The following SCAI variants were observed in gnomAD, a reference collection of about 807,000 sequenced individuals.
SCAI encodes suppressor of cancer cell invasion, also known as protein SCAI.
A neutral mutation model predicts 92.2 loss-of-function variants in SCAI; 24 were observed. The ratio of observed to expected loss-of-function variants is 0.26; its 90% CI spans 0.19 to 0.37. The LOEUF is 0.37. Among genes scored for constraint, SCAI ranks in the 10% least tolerant of loss-of-function variants. The pLI is 1.00. For missense variants in SCAI, 450 were observed against 736.2 expected (o/e 0.61, Z 4.50); for synonymous variants, 261 against 258.6 (o/e 1.01, Z -0.09).
chr9:124,989,373 C>CGGGA, intron 14 of SCAI, among the ~76,000 whole-genome samples: 1 of 151,762 alleles, frequency 6.6e-6, no homozygotes, highest in African/African-American at 2.4e-5. Context: ...CCCAGACAGG[C>CGGGA]ATTCAAGACC....
chr9:125,118,470 T>G (rs1000513471), intron 2 of SCAI, among the ~76,000 whole-genome samples: 2 of 152,096 alleles, frequency 1.3e-5, no homozygotes, highest in Non-Finnish European at 2.9e-5. Context: ...TGAGCTATGA[T>G]CCTGCCACTG....
At chr9:124,964,705 C>A (rs778638669) in intron 17 of SCAI, among the ~76,000 whole-genome samples, 40 of 152,132 alleles carry the variant, frequency 2.6e-4, no homozygotes, top group Admixed American at 9.2e-4. Flanking sequence ...ACGGCATTGC[C>A]AAATATCAAA....
At chr9:125,065,955 G>A (rs1247884352) in intron 2 of SCAI, 1 of 751,404 alleles carries the variant, frequency 1.3e-6, no homozygotes, top group Admixed American at 2.0e-5. Flanking sequence ...ATTTTATAAA[G>A]GATATGTATT....
Position 125,031,087 on chromosome 9 carries a change from G to C in SCAI, c.231-1348C>G, listed in dbSNP as rs969847985. Among the ~76,000 whole-genome samples, 3 of 152,132 alleles carry C rather than the reference G, an allele frequency of 2.0e-5. No individual in the cohort carries two copies. The East Asian group carries it at 5.8e-4, about 29-fold the overall frequency. ...GTGGGACAAAACAGATTTGGGAAAG[G>C]AATTTAAGAATTTGGCTGTCTTGTA... On this transcript the variant is annotated intron_variant, in intron 3 of 17. Coordinates refer to ENST00000336505, the MANE Select transcript of SCAI (RefSeq NM_001144877.3).
chr9:125,024,322 G>A (rs1225678969), intron 6 of SCAI, among the ~76,000 whole-genome samples: 1 of 150,694 alleles, frequency 6.6e-6, no homozygotes, highest in African/African-American at 2.4e-5. Flanking sequence ...TGTCACCCAG[G>A]CTGAGTGCAG....
At chr9:125,063,245 T>C (rs1347992682) in intron 2 of SCAI, among the ~76,000 whole-genome samples, 1 of 149,848 alleles carries the variant, frequency 6.7e-6, no homozygotes, top group Non-Finnish European at 1.5e-5. Flanking sequence ...AGCATCTCTA[T>C]TAAAAATACA....
chr9:125,092,294 C>T (rs997367603), intron 2 of SCAI, among the ~76,000 whole-genome samples: 3 of 151,142 alleles, frequency 2.0e-5, no homozygotes, highest in African/African-American at 7.3e-5. Flanking sequence ...ACCGTCTCTA[C>T]TAAAAAATAA....
At chr9:124,961,023 T>G (rs1305268533) in intron 17 of SCAI, among the ~76,000 whole-genome samples, 1 of 151,184 alleles carries the variant, frequency 6.6e-6, no homozygotes, top group Non-Finnish European at 1.5e-5. Flanking sequence ...TTCAGGAGGC[T>G]AGAAGCAGGA....
chr9:125,032,195 A>ATATATATATATATTTT (rs1177865840), intron 3 of SCAI, among the ~76,000 whole-genome samples: 2 of 99,450 alleles, frequency 2.0e-5, no homozygotes, highest in African/African-American at 4.8e-5. Context: ...ATATATATAT[A>ATATATATATATATTTT]TTTTTTTTTT....
At chr9:125,102,175 C>CA (rs1156546103) in intron 2 of SCAI, among the ~76,000 whole-genome samples, 1 of 152,174 alleles carries the variant, frequency 6.6e-6, no homozygotes, top group Non-Finnish European at 1.5e-5. Context: ...TCCCAAGGGA[C>CA]AAAATCACTC....
At chr9:124,994,192 G>A (rs1379732067) in intron 14 of SCAI, among the ~76,000 whole-genome samples, 11 of 151,984 alleles carry the variant, frequency 7.2e-5, no homozygotes, top group East Asian at 5.8e-4. Context: ...GCACCACCAC[G>A]CCTGGCTAAT....
intron 3 of SCAI, among the ~76,000 whole-genome samples, chr9:125,032,194 TA>T (rs1273028081): frequency 0.041 from 2,430 of 59,776 alleles, 65 homozygotes; most frequent in African/African-American, 0.089. Context: ...TATATATATA[TA>T]TTTTTTTTTT....
chr9:124,954,924 G>T (rs147025817), intron 17 of SCAI, among the ~76,000 whole-genome samples: 4 of 152,010 alleles, frequency 2.6e-5, no homozygotes, highest in African/African-American at 9.6e-5. Flanking sequence ...CCAGCACACT[G>T]GGAGGCCAAA....
At chr9:125,010,579 C>T (rs1588149986) in intron 9 of SCAI, among the ~76,000 whole-genome samples, 1 of 152,250 alleles carries the variant, frequency 6.6e-6, no homozygotes, top group Non-Finnish European at 1.5e-5. Flanking sequence ...CTGCCTGCCT[C>T]TGTAGGCTCC....
chr9:125,078,977 G>C (rs76940417), intron 2 of SCAI, among the ~76,000 whole-genome samples: 1 of 152,004 alleles, frequency 6.6e-6, no homozygotes, highest in Non-Finnish European at 1.5e-5. Flanking sequence ...CTCTATTTTC[G>C]TATATAATAA....
At position 125,000,039 on chromosome 9, in the gene SCAI, T is replaced by C. The variant is rs758664243; in HGVS notation, c.1145-49A>G. Reference sequence around the variant, plus strand: ...CTAGACTTCAGTTGAAGACTAACACTGACCTGATGTTCAAATACAAAGGTA... The same window carrying C: ...CTAGACTTCAGTTGAAGACTAACACCGACCTGATGTTCAAATACAAAGGTA... On this transcript the variant is annotated intron_variant, in intron 12 of 17. Transcript: ENST00000336505. The C allele has an allele frequency of 6.5e-6, 5 of 772,766 alleles. No individual in the cohort carries two copies. In the East Asian group the frequency reaches 1.4e-4, roughly 21 times the overall value. 47.9% of individuals were successfully genotyped at this position (772,766 alleles called of 1,614,324 possible).
intron 3 of SCAI, among the ~76,000 whole-genome samples, chr9:125,043,503 C>T (rs538775169): frequency 1.3e-5 from 2 of 152,168 alleles, no homozygotes; most frequent in Non-Finnish European, 2.9e-5. Flanking sequence ...TCTATTCCTC[C>T]AGGCCGGTGT....
At chr9:125,067,748 A>G (rs1322001392) in intron 2 of SCAI, among the ~76,000 whole-genome samples, 1 of 152,188 alleles carries the variant, frequency 6.6e-6, no homozygotes, top group Non-Finnish European at 1.5e-5. Flanking sequence ...TTGTTACAGC[A>G]GGCCTGGGAA....
At chr9:125,136,519 G>C (rs1835535003) in intron 2 of SCAI, among the ~76,000 whole-genome samples, 3 of 127,214 alleles carry the variant, frequency 2.4e-5, no homozygotes, top group Non-Finnish European at 4.7e-5. Flanking sequence ...GGAGTGCAAT[G>C]GCGTGGTCTC....
Sources: allele counts gnomAD v4.1 joint callset (sites outside exome capture counted in the v4.1 genomes callset), GRCh38; gene constraint gnomAD v4.1.1; transcripts MANE v1.5; gene names NCBI Gene and HGNC (gene_info 2026-07-23, HGNC 2026-07-21).